CNTNAP2: variants seen among roughly 807,000 people sequenced by gnomAD.
The protein encoded by CNTNAP2 is contactin associated protein 2, also known as contactin-associated protein-like 2.
In CNTNAP2, 98 loss-of-function variants were observed where a neutral mutation model predicts 155.2. That is an observed-to-expected ratio of 0.63 (90% CI 0.54 to 0.75). The LOEUF is 0.75. Among genes scored for constraint, CNTNAP2 ranks in the 30% least tolerant of loss-of-function variants. The probability of loss-of-function intolerance (pLI) is 0.00; values close to 1 mark genes in which losing one functional copy is unlikely to be tolerated. For missense variants in CNTNAP2, 1,727 were observed against 1,688.1 expected (o/e 1.02, Z -0.40); for synonymous variants, 651 against 631.2 (o/e 1.03, Z -0.47).
intron 1 of CNTNAP2, among the ~76,000 whole-genome samples, chr7:146,268,137 C>G (rs1226000239): frequency 6.6e-6 from 1 of 152,154 alleles, no homozygotes; most frequent in Non-Finnish European, 1.5e-5. Flanking sequence ...AGAAAATCAG[C>G]CTCAATCAAC....
chr7:147,465,028 G>A (rs1798094456), intron 10 of CNTNAP2, among the ~76,000 whole-genome samples: 1 of 152,166 alleles, frequency 6.6e-6, no homozygotes, highest in Non-Finnish European at 1.5e-5. Flanking sequence ...CAGCTGGAAG[G>A]TATTATCCTA....
intron 13 of CNTNAP2, among the ~76,000 whole-genome samples, chr7:147,740,673 T>G (rs1796942114): frequency 6.6e-6 from 1 of 152,352 alleles, no homozygotes; most frequent in Non-Finnish European, 1.5e-5. Flanking sequence ...CATCAGTCAC[T>G]TCCTCAAATT....
intron 1 of CNTNAP2, among the ~76,000 whole-genome samples, chr7:146,273,820 TTCTTCG>T (rs1178381488): frequency 1.3e-5 from 2 of 152,162 alleles, no homozygotes; most frequent in Non-Finnish European, 2.9e-5. Context: ...CCTAGTTTCC[TTCTTCG>T]TAAAACAAGG....
At chr7:146,370,289 A>AAAAAAAAT (rs1563058236) in intron 1 of CNTNAP2, among the ~76,000 whole-genome samples, 1 of 139,392 alleles carries the variant, frequency 7.2e-6, no homozygotes, top group African/African-American at 2.8e-5. Context: ...AAAAAAAAAA[A>AAAAAAAAT]TTAGCCGGCG....
chr7:146,416,384 C>T lies in CNTNAP2; in HGVS notation c.97+299411C>T, dbSNP rs540450548. Among the ~76,000 whole-genome samples, 43 of 152,074 alleles carry T rather than the reference C, an allele frequency of 2.8e-4. 1 individual carries two copies. The highest frequency in any genetic ancestry group is 7.7e-4 in the African/African-American group (32 of 41,490). Reference sequence around the variant, plus strand: ...TTCCGACCTGGGTCAGTTTGCCTCTCGTTTGCAACCACATTACACACAGCT... The same window carrying T: ...TTCCGACCTGGGTCAGTTTGCCTCTTGTTTGCAACCACATTACACACAGCT... On this transcript the variant is annotated intron_variant, in intron 1 of 23. Transcript: ENST00000361727.
At chr7:146,833,095 C>T (rs1803545338) in intron 2 of CNTNAP2, among the ~76,000 whole-genome samples, 1 of 152,148 alleles carries the variant, frequency 6.6e-6, no homozygotes, top group South Asian at 2.1e-4. Context: ...AAAACTACTT[C>T]ATAGTTTCTT....
At chr7:146,309,829 A>AAAGGAAGGAAGG (rs370487767) in intron 1 of CNTNAP2, among the ~76,000 whole-genome samples, 6,695 of 148,838 alleles carry the variant, frequency 0.045, 495 homozygotes, top group African/African-American at 0.15. Context: ...AGAAGAAAGG[A>AAAGGAAGGAAGG]AAGGAAGGAA....
At chr7:148,283,263 G>T (rs1016747549) in intron 21 of CNTNAP2, among the ~76,000 whole-genome samples, 4 of 37,660 alleles carry the variant, frequency 1.1e-4, no homozygotes, top group African/African-American at 1.2e-4. Context: ...AAAAAAGAAA[G>T]AAAGAAAGAA....
intron 8 of CNTNAP2, among the ~76,000 whole-genome samples, chr7:147,287,929 G>A (rs923158091): frequency 1.6e-4 from 24 of 151,942 alleles, no homozygotes; most frequent in African/African-American, 5.6e-4. Flanking sequence ...CCCTAATGAC[G>A]GTAAGAGCAT....
intron 8 of CNTNAP2, among the ~76,000 whole-genome samples, chr7:147,145,077 C>T (rs1020961218): frequency 6.6e-6 from 1 of 152,144 alleles, no homozygotes; most frequent in Non-Finnish European, 1.5e-5. Flanking sequence ...TCATCTAAAA[C>T]TTGTATTAAG....
At chr7:148,393,719 C>T (rs1419982489) in intron 22 of CNTNAP2, among the ~76,000 whole-genome samples, 1 of 152,114 alleles carries the variant, frequency 6.6e-6, no homozygotes, top group Non-Finnish European at 1.5e-5. Flanking sequence ...TCCCCACATC[C>T]TCACCAAAAC....
At chr7:148,111,717 G>A (rs1399336409) in intron 15 of CNTNAP2, among the ~76,000 whole-genome samples, 1 of 152,176 alleles carries the variant, frequency 6.6e-6, no homozygotes, top group Non-Finnish European at 1.5e-5. Context: ...TTGCATATAA[G>A]GCTTCGTAAA....
intron 20 of CNTNAP2, among the ~76,000 whole-genome samples, chr7:148,261,301 C>G (rs1796556933): frequency 6.6e-6 from 1 of 152,174 alleles, no homozygotes; most frequent in Admixed American, 6.5e-5. Flanking sequence ...GCTGGGACCA[C>G]AGGCGTGCAC....
At chr7:147,541,185 C>T (rs1464229342) in intron 11 of CNTNAP2, among the ~76,000 whole-genome samples, 2 of 152,130 alleles carry the variant, frequency 1.3e-5, no homozygotes, top group African/African-American at 2.4e-5. Context: ...TAGTGAGTGA[C>T]TTTGAGTGAG....
chr7:147,577,410 G>A (rs1318067165), intron 12 of CNTNAP2, among the ~76,000 whole-genome samples: 1 of 152,000 alleles, frequency 6.6e-6, no homozygotes, highest in East Asian at 1.9e-4. Flanking sequence ...AGTGGTATTT[G>A]CATTTCAAAG....
intron 1 of CNTNAP2, among the ~76,000 whole-genome samples, chr7:146,435,948 A>G (rs1796237253): frequency 6.6e-6 from 1 of 152,186 alleles, no homozygotes; most frequent in South Asian, 2.1e-4. Context: ...ATATGCCAAG[A>G]TTTGGCTGAA....
intron 18 of CNTNAP2, among the ~76,000 whole-genome samples, chr7:148,174,020 A>G (rs1794884799): frequency 6.6e-6 from 1 of 152,230 alleles, no homozygotes; most frequent in Non-Finnish European, 1.5e-5. Flanking sequence ...TCTCCAGGTT[A>G]GGCCACATTG....
At chr7:147,585,787 GTGTA>G (rs1007849187) in intron 12 of CNTNAP2, among the ~76,000 whole-genome samples, 2 of 151,748 alleles carry the variant, frequency 1.3e-5, no homozygotes, top group Admixed American at 1.3e-4. Context: ...GTGTGTGTGT[GTGTA>G]TATATGTGTG....
At position 148,127,833 on chromosome 7, in the gene CNTNAP2, T is replaced by C. The variant is rs549240057; in HGVS notation, c.2554+9545T>C. Among the ~76,000 whole-genome samples the C allele has an allele frequency of 1.8e-3, 276 of 152,348 alleles. 1 individual carries two copies. The highest frequency in any genetic ancestry group is 5.9e-3 in the African/African-American group (244 of 41,590). On this transcript the variant is annotated intron_variant, in intron 16 of 23. Transcript: ENST00000361727. ...TAAAAAATATTGTGTTTTTTATTAG[T>C]ACAAATCAGGTGTTAGCACCTGGAT...
Sources: gnomAD v4.1 joint callset for allele counts (sites outside exome capture counted in the v4.1 genomes callset) on GRCh38, gnomAD v4.1.1 for gene constraint, MANE v1.5 for transcripts, NCBI Gene and HGNC (gene_info 2026-07-23, HGNC 2026-07-21) for gene names.